FOXK1: variants seen among roughly 807,000 people sequenced by gnomAD.
FOXK1 encodes the protein forkhead box K1.
Under a neutral mutation model 51.9 loss-of-function variants are expected in FOXK1, and 19 were observed. The observed-to-expected ratio is 0.37, with a 90% CI of 0.26 to 0.54. The LOEUF is 0.54. Ranked by LOEUF, FOXK1 falls within the 20% of genes least tolerant of loss-of-function variation. FOXK1 has a pLI of 0.87. For missense variants in FOXK1, 870 were observed against 1,032.7 expected (o/e 0.84, Z 2.16); for synonymous variants, 537 against 482.6 (o/e 1.11, Z -1.48).
chr7:4,688,791 C>T (rs1181213217), intron 1 of FOXK1, among the ~76,000 whole-genome samples: 2 of 152,076 alleles, frequency 1.3e-5, no homozygotes, highest in East Asian at 1.9e-4. Flanking sequence ...CTTGTCATTC[C>T]TGTAAACTGG....
In FOXK1 at chr7:4,707,806, C is replaced by T. The variant is rs555307523; in HGVS notation, c.560+24938C>T. Among the ~76,000 whole-genome samples, 3 of 152,096 alleles carry T rather than the reference C, an allele frequency of 2.0e-5. No individual in the cohort carries two copies. The East Asian group carries it at 5.8e-4, about 29-fold the overall frequency. On this transcript the variant is annotated intron_variant, in intron 1 of 8. Transcript: ENST00000328914. The surrounding 1 kb of genome is among the most constrained non-coding windows in gnomAD (Gnocchi z 4.1). Reference sequence around the variant, plus strand: ...TTCAAGCAATTCTCCTACCTCAGCCCCCCAAGTAGCTGGGATGATAGGGCC... The same window carrying T: ...TTCAAGCAATTCTCCTACCTCAGCCTCCCAAGTAGCTGGGATGATAGGGCC...
chr7:4,718,960 C>T (rs371737963), intron 1 of FOXK1, among the ~76,000 whole-genome samples: 106 of 152,240 alleles, frequency 7.0e-4, no homozygotes, highest in Middle Eastern at 3.4e-3. Flanking sequence ...GAGGGACCCG[C>T]CACCACGCCC....
rs1336908488 is a variant in FOXK1, at chr7:4,770,864, G to GGGGT, written c.*8401_*8402insGGTG. ...AATTTGGGAGGGGCGGGTGTTGTTC[G>GGGGT]GTGTGTGTGTGTGTGTGTGTGTGTG... On this transcript the variant is annotated 3_prime_UTR_variant, in exon 9 of 9. Transcript: ENST00000328914. The GGGGT allele has an allele frequency of 2.8e-5, 4 of 140,368 alleles. No homozygotes were observed. Among genetic ancestry groups the GGGGT allele is most frequent in the South Asian group, 2.3e-4 (1 of 4,426 alleles). 8.7% of individuals were successfully genotyped at this position (140,368 alleles called of 1,614,324 possible). A position where few individuals can be genotyped will look rare whatever the true frequency, so the allele number is the denominator to read the frequency against.
At chr7:4,724,416 G>A (rs751266473) in intron 1 of FOXK1, among the ~76,000 whole-genome samples, 14 of 152,200 alleles carry the variant, frequency 9.2e-5, no homozygotes, top group Non-Finnish European at 1.3e-4. Flanking sequence ...GGGTGGTCTC[G>A]AACTCCTGTT....
At chr7:4,692,283 A>G (rs1340348365) in intron 1 of FOXK1, among the ~76,000 whole-genome samples, 1 of 152,218 alleles carries the variant, frequency 6.6e-6, no homozygotes, top group Non-Finnish European at 1.5e-5. Context: ...ACATGGAGAA[A>G]AGCCAGCCTC....
At position 4,748,897 on chromosome 7, in the gene FOXK1, T is replaced by C. The variant is rs1426904600; in HGVS notation, c.747-5562T>C. On this transcript the variant is annotated intron_variant, in intron 2 of 8. Transcript: ENST00000328914. This position sits in a 1 kb window ranked among gnomAD's most constrained non-coding sequence, Gnocchi z 4.9. ...TCTCCCCATGTTGCCCAGGCTGGTC[T>C]TGAACTCCTGTGCTCAAGTTATCTG... Among the ~76,000 whole-genome samples, 2 of 152,168 alleles carry C rather than the reference T, an allele frequency of 1.3e-5. No individual in the cohort carries two copies. The highest frequency in any genetic ancestry group is 4.8e-5 in the African/African-American group (2 of 41,444).
rs1288577033 is a variant in FOXK1 at position 4,705,544 on chromosome 7, T to TCG, written c.560+22677_560+22678insGC. 3.9e-3 allele frequency among the ~76,000 whole-genome samples: 584 copies of TCG among 149,060 alleles called. 4 individuals carry two copies. Among genetic ancestry groups the TCG allele is most frequent in the South Asian group, 0.02 (95 of 4,676 alleles). ...CTCTCTCTCTCTCTCTCTCTCTCTCTCTCTCTCTCTCTCTCGCTCTCGCTC... is the reference window on the plus strand; with the variant it reads ...CTCTCTCTCTCTCTCTCTCTCTCTCTCGCTCTCTCTCTCTCTCGCTCTCGCTC... On this transcript the variant is annotated intron_variant, in intron 1 of 8. Transcript: ENST00000328914.
chr7:4,708,478 C>T (rs1780133663), intron 1 of FOXK1, among the ~76,000 whole-genome samples: 1 of 152,168 alleles, frequency 6.6e-6, no homozygotes, highest in Non-Finnish European at 1.5e-5. Context: ...CTAACTTGAC[C>T]TTCAGTTATC....
chr7:4,693,625 G>A (rs894392778), intron 1 of FOXK1, among the ~76,000 whole-genome samples: 3 of 152,086 alleles, frequency 2.0e-5, no homozygotes, highest in African/African-American at 4.8e-5. Flanking sequence ...TTTCAGCCAC[G>A]GATATGGGTG....
Position 4,762,749 on chromosome 7 carries a change from T to G in FOXK1, c.*285T>G. 2.4e-6 allele frequency: 1 copy of G among 417,254 alleles called. No individual in the cohort carries two copies. The highest frequency in any genetic ancestry group is 4.4e-6 in the Non-Finnish European group (1 of 225,684). The allele number at this position is 417,254 out of a possible 1,614,324, so 25.8% of individuals were successfully genotyped here. ...ACCACCTCCTCTCCCCAGGCCTCCC[T>G]GTCGGGCATGGGGAGGAGGTTGGAG... On this transcript the variant is annotated 3_prime_UTR_variant, in exon 9 of 9. Coordinates refer to ENST00000328914, the MANE Select transcript of FOXK1 (RefSeq NM_001037165.2). The surrounding 1 kb of genome is among the most constrained non-coding windows in gnomAD (Gnocchi z 5.7).
At chr7:4,724,535 A>G (rs1780354736) in intron 1 of FOXK1, among the ~76,000 whole-genome samples, 1 of 152,078 alleles carries the variant, frequency 6.6e-6, no homozygotes, top group Admixed American at 6.5e-5. Context: ...CTCTGACTTA[A>G]TTTCTCTCTG....
intron 1 of FOXK1, among the ~76,000 whole-genome samples, chr7:4,693,671 G>A (rs1779920169): frequency 2.0e-5 from 3 of 152,196 alleles, no homozygotes; most frequent in Admixed American, 2.0e-4. Context: ...TGATGGGGGA[G>A]GTGGGACAGG....
Position 4,747,313 on chromosome 7 carries a change from G to A in FOXK1, c.746+6290G>A, listed in dbSNP as rs766475327. On this transcript the variant is annotated intron_variant, in intron 2 of 8. Transcript: ENST00000328914. The surrounding 1 kb of genome is among the most constrained non-coding windows in gnomAD (Gnocchi z 9.2). Reference sequence around the variant, plus strand: ...GGAAGCAGGAGGCGCCTGCAGACACGGAGCTGACCCCGGAACCTGCCTAGC... The same window carrying A: ...GGAAGCAGGAGGCGCCTGCAGACACAGAGCTGACCCCGGAACCTGCCTAGC... Among the ~76,000 whole-genome samples the A allele has an allele frequency of 1.1e-3, 162 of 152,272 alleles. No individual in the cohort carries two copies. Among genetic ancestry groups the A allele is most frequent in the Non-Finnish European group, 1.6e-3 (112 of 68,030 alleles).
Position 4,756,942 on chromosome 7 carries a change from G to T in FOXK1, c.1051-52G>T. On this transcript the variant is annotated intron_variant, in intron 4 of 8. Coordinates refer to ENST00000328914, the MANE Select transcript of FOXK1 (RefSeq NM_001037165.2). This position sits in a 1 kb window ranked among gnomAD's most constrained non-coding sequence, Gnocchi z 4.1. The stretch of plus-strand genomic sequence containing the variant: ...TCTGCTGCAGATTTGAGGTGGGTGG[G>T]ACTCATTTTCTGATTTGCTGGTGAT... 6.3e-7 allele frequency: 1 copy of T among 1,585,822 alleles called. No individual in the cohort carries two copies. Among genetic ancestry groups the T allele is most frequent in the South Asian group, 1.1e-5 (1 of 89,244 alleles).
intron 1 of FOXK1, among the ~76,000 whole-genome samples, chr7:4,689,167 G>A (rs1321243722): frequency 4.6e-5 from 7 of 151,892 alleles, no homozygotes; most frequent in African/African-American, 7.3e-5. Context: ...TAGTAGAGAG[G>A]GGGTTTCGCC....
chr7:4,739,108 T>C (rs1361044960), intron 1 of FOXK1, among the ~76,000 whole-genome samples: 2 of 152,192 alleles, frequency 1.3e-5, no homozygotes, highest in Non-Finnish European at 2.9e-5. Context: ...GGATTTTACG[T>C]AGATTGACTA....
rs1414949396 is a variant in FOXK1, at chr7:4,754,375, C to G, written c.747-84C>G. 1.1e-5 allele frequency: 16 copies of G among 1,499,746 alleles called. No individual in the cohort carries two copies. The East Asian group carries it at 3.2e-4, about 30-fold the overall frequency. 92.9% of individuals were successfully genotyped at this position (1,499,746 alleles called of 1,614,324 possible). Reference sequence around the variant, plus strand: ...TGAGCTTCTTCCCCACAGCCCCACCCTCTGGGTAGGTCCTGAAGCCCTGAG... The same window carrying G: ...TGAGCTTCTTCCCCACAGCCCCACCGTCTGGGTAGGTCCTGAAGCCCTGAG... On this transcript the variant is annotated intron_variant, in intron 2 of 8. Coordinates refer to ENST00000328914, the MANE Select transcript of FOXK1 (RefSeq NM_001037165.2).
intron 1 of FOXK1, among the ~76,000 whole-genome samples, chr7:4,719,600 G>A (rs1413408228): frequency 6.6e-6 from 1 of 152,130 alleles, no homozygotes; most frequent in Non-Finnish European, 1.5e-5. Flanking sequence ...TCCTGCCTCA[G>A]CTTCCTGAGT....
intron 1 of FOXK1, among the ~76,000 whole-genome samples, chr7:4,714,401 C>T (rs987320428): frequency 8.5e-5 from 13 of 152,184 alleles, no homozygotes; most frequent in Admixed American, 2.0e-4. Context: ...GCCTCAGCCT[C>T]CCGAGTAGCT....
Sources: allele counts gnomAD v4.1 joint callset (sites outside exome capture counted in the v4.1 genomes callset), GRCh38; gene constraint gnomAD v4.1.1; non-coding constraint Gnocchi (gnomAD v3.1); transcripts MANE v1.5; gene names NCBI Gene and HGNC (gene_info 2026-07-23, HGNC 2026-07-21).